NMRAL1: variants seen among roughly 807,000 people sequenced by gnomAD.
NMRAL1 encodes the protein nmrA-like family domain-containing protein 1.
NMRAL1 carries 32 observed loss-of-function variants against 27.5 expected under a neutral mutation model. The observed-to-expected ratio is 1.16, with a 90% confidence interval of 0.88 to 1.56. The LOEUF is 1.56. Among genes scored for constraint, NMRAL1 ranks in the 40% most tolerant of loss-of-function variants. The pLI, the probability that NMRAL1 is intolerant of heterozygous loss-of-function variation, is 0.00. For synonymous variants in NMRAL1, 166 were observed against 166.8 expected (o/e 1.00, Z 0.04); for missense variants, 420 against 392.0 (o/e 1.07, Z -0.60).
At chr16:4,463,458 C>G in intron 5 of NMRAL1, 1 of 555,836 alleles carries the variant, frequency 1.8e-6, no homozygotes. Flanking sequence ...AAGCTTTTCT[C>G]TCTATTTGGT....
At chr16:4,472,021 G>A (rs543076627) in intron 2 of NMRAL1, among the ~76,000 whole-genome samples, 1 of 152,184 alleles carries the variant, frequency 6.6e-6, no homozygotes, top group East Asian at 1.9e-4. Context: ...GCTGTAGTGA[G>A]TGATGATTGA....
At position 4,461,789 on chromosome 16, in the gene NMRAL1, GT is replaced by G; in HGVS notation, c.890del (p.Asn297ThrfsTer27). 6.2e-7 allele frequency: 1 copy of G among 1,612,220 alleles called. No homozygotes were observed. Among genetic ancestry groups the G allele is most frequent in the Non-Finnish European group, 8.5e-7 (1 of 1,179,254 alleles). On this transcript the variant is annotated frameshift_variant, in exon 6 of 6. Coordinates refer to ENST00000283429, the MANE Select transcript of NMRAL1 (RefSeq NM_020677.6). LOFTEE classifies it high-confidence loss of function. Reference protein sequence around the residue: ...QWLEQHKGDFNLL With the variant: ...QWLEQHKGDFXLL ...CCGCGAGGCGGGCAGGTCACAGCAG[GT>G]TGAAGTCCCCTTTGTGCTGTTCCAG... is the stretch of plus-strand genomic sequence containing the variant.
At chr16:4,474,238 C>T (rs1238244490) in intron 1 of NMRAL1, 72 bp from the exon 2 acceptor site, 2 of 1,118,350 alleles carry the variant, frequency 1.8e-6, no homozygotes, top group Non-Finnish European at 2.7e-6. Flanking sequence ...AGGACACCCC[C>T]ATTGTCTATG....
At chr16:4,469,043 CAAAA>C (rs1279372020) in intron 3 of NMRAL1, among the ~76,000 whole-genome samples, 180 bp downstream of exon 3, 2 of 149,104 alleles carry the variant, frequency 1.3e-5, no homozygotes, top group African/African-American at 2.5e-5. Flanking sequence ...CTCAAACAAA[CAAAA>C]AAAAAGTAAT....
chr16:4,462,819 G>C (rs1442449347), intron 5 of NMRAL1, among the ~76,000 whole-genome samples: 3 of 151,196 alleles, frequency 2.0e-5, no homozygotes, highest in Non-Finnish European at 2.9e-5. Context: ...TACCGCGCCT[G>C]ACCCAACTTT....
rs140164470 is a variant in NMRAL1, at chr16:4,469,274, C to T, written c.232G>A (p.Val78Met). The T allele has an allele frequency of 7.4e-6, 12 of 1,614,128 alleles. No homozygotes were observed. In the African/African-American group the frequency reaches 9.3e-5, roughly 13 times the overall value. Reference sequence around the variant, plus strand: ...CTGCAGCTCTCCCAGTAATTGGTCACGATGAAGGTGGCGTAAGCCCCATTC... The same window carrying T: ...CTGCAGCTCTCCCAGTAATTGGTCATGATGAAGGTGGCGTAAGCCCCATTC... Reference protein sequence around the residue: ...ALNGAYATFIVTNYWESCSQE... With the variant: ...ALNGAYATFIMTNYWESCSQE... Residue 78 changes from valine (V) to methionine (M), a missense_variant, in exon 3 of 6, where the codon GTG becomes ATG. By Grantham distance (21) the Val-to-Met change is conservative. Transcript: ENST00000283429.
chr16:4,467,642 CAG>C (rs1418451828), intron 3 of NMRAL1, among the ~76,000 whole-genome samples: 1 of 151,084 alleles, frequency 6.6e-6, no homozygotes, highest in African/African-American at 2.4e-5. Context: ...GTTTTTGAGA[CAG>C]AGTCTAGCTC....
upstream of NMRAL1, among the ~76,000 whole-genome samples, chr16:4,475,656 A>C (rs2057801094): frequency 6.6e-6 from 1 of 150,974 alleles, no homozygotes; most frequent in Non-Finnish European, 1.5e-5. Context: ...CTAAAAAATG[A>C]CTCTGGGCTG....
At chr16:4,464,807 G>A (rs2057254468) in intron 4 of NMRAL1, among the ~76,000 whole-genome samples, 1 of 150,310 alleles carries the variant, frequency 6.7e-6, no homozygotes, top group African/African-American at 2.4e-5. Context: ...GTAGAGACAG[G>A]GGTTTCACCA....
chr16:4,475,901 T>G (rs375910438), upstream of NMRAL1: 1 of 152,186 alleles, frequency 6.6e-6, no homozygotes, highest in Non-Finnish European at 1.5e-5. Flanking sequence ...ATCACGTCAT[T>G]GCACTCCAGC....
intron 3 of NMRAL1, among the ~76,000 whole-genome samples, chr16:4,468,234 G>A (rs879672752): frequency 7.2e-5 from 11 of 152,006 alleles, no homozygotes; most frequent in Non-Finnish European, 1.5e-4. Flanking sequence ...CCCAGGAGGC[G>A]GAGGTTGCGG....
intron 2 of NMRAL1, 115 bp downstream of exon 2, chr16:4,473,978 C>T: frequency 1.3e-6 from 1 of 749,394 alleles, no homozygotes; most frequent in Non-Finnish European, 2.2e-6. Flanking sequence ...ACCACAGCCC[C>T]AACCTGGGTC....
Position 4,461,778 on chromosome 16 carries a change from G to A in NMRAL1, c.*2C>T, listed in dbSNP as rs769992191. ...CCCACAAGGGGCCGCGAGGCGGGCA[G>A]GTCACAGCAGGTTGAAGTCCCCTTT... On this transcript the variant is annotated 3_prime_UTR_variant, in exon 6 of 6. Transcript: ENST00000283429. The A allele has an allele frequency of 3.1e-6, 5 of 1,610,038 alleles. No individual in the cohort carries two copies. In the African/African-American group the frequency reaches 6.7e-5, roughly 22 times the overall value.
At chr16:4,468,615 CAAAAA>C (rs59245472) in intron 3 of NMRAL1, among the ~76,000 whole-genome samples, 75,389 of 128,050 alleles carry the variant, frequency 0.59, 22,923 homozygotes, top group Non-Finnish European at 0.72. Context: ...GACTCAGTCT[CAAAAA>C]AAAAAAAAAA....
chr16:4,469,551 C>G (rs2057469429), intron 2 of NMRAL1, 86 bp from the exon 3 acceptor site: 2 of 1,568,332 alleles, frequency 1.3e-6, no homozygotes, highest in Non-Finnish European at 1.7e-6. Context: ...TGCTCCACCA[C>G]AGCAAGGAGC....
intron 5 of NMRAL1, among the ~76,000 whole-genome samples, chr16:4,463,100 C>T (rs2057171782): frequency 6.6e-6 from 1 of 152,158 alleles, no homozygotes; most frequent in Admixed American, 6.5e-5. Flanking sequence ...GGTGATCCAC[C>T]TGCCTCGGCC....
At position 4,461,838 on chromosome 16, in the gene NMRAL1, T is replaced by C. The variant is rs562879265; in HGVS notation, c.842A>G (p.Lys281Arg). ...DIELTLRLNP[K>R]ALTLDQWLEQ... ...CAGCCACTGGTCCAGCGTCAGGGCC[T>C]TGGGGTTGAGTCTCAGGGTCAGCTC... is the stretch of plus-strand genomic sequence containing the variant. Residue 281 changes from lysine (K) to arginine (R), a missense_variant, in exon 6 of 6, where the codon AAG becomes AGG. Physicochemically the swap from Lys to Arg is conservative, Grantham distance 26. Transcript: ENST00000283429. 4.3e-6 allele frequency: 7 copies of C among 1,614,172 alleles called. No homozygotes were observed. The African/African-American group carries it at 5.3e-5, about 12-fold the overall frequency.
intron 4 of NMRAL1, 130 bp downstream of exon 4, chr16:4,466,023 A>T: frequency 9.4e-7 from 1 of 1,058,760 alleles, no homozygotes; most frequent in Non-Finnish European, 1.4e-6. Flanking sequence ...GGATGTGCTC[A>T]GTCCTGGGCC....
chr16:4,463,015 C>T (rs1373196654), intron 5 of NMRAL1, among the ~76,000 whole-genome samples: 1 of 151,948 alleles, frequency 6.6e-6, no homozygotes, highest in Non-Finnish European at 1.5e-5. Flanking sequence ...CCACCACACC[C>T]GGCTAATTTG....
Sources: gnomAD v4.1 joint callset for allele counts (sites outside exome capture counted in the v4.1 genomes callset) on GRCh38, gnomAD v4.1.1 for gene constraint, MANE v1.5 for transcripts, NCBI Gene and HGNC (gene_info 2026-07-23, HGNC 2026-07-21) for gene names.